Variants in WDR19 observed in about 807,000 individuals in gnomAD.
WDR19 encodes WD repeat-containing protein 19.
A neutral mutation model predicts 180.0 loss-of-function variants in WDR19; 121 were observed. The observed-to-expected ratio is 0.67, with a 90% CI of 0.58 to 0.78. The LOEUF (loss-of-function observed/expected upper bound fraction) is 0.78. Among genes scored for constraint, WDR19 ranks in the 30% least tolerant of loss-of-function variants. The probability of loss-of-function intolerance (pLI) is 0.00; values close to 1 mark genes in which losing one functional copy is unlikely to be tolerated. For missense variants in WDR19, 1,450 were observed against 1,640.7 expected, an observed-to-expected ratio of 0.88 and a Z score of 2.01; for synonymous variants, 497 against 540.7, an observed-to-expected ratio of 0.92 and a Z score of 1.12.
intron 14 of WDR19, among the ~76,000 whole-genome samples, chr4:39,221,158 G>A (rs964036987): frequency 4.6e-5 from 7 of 151,960 alleles, no homozygotes; most frequent in African/African-American, 1.7e-4. Flanking sequence ...TCATATATCA[G>A]GTAATTTGGT....
intron 24 of WDR19, among the ~76,000 whole-genome samples, chr4:39,247,517 C>T (rs534694138): frequency 4.1e-4 from 63 of 152,208 alleles, no homozygotes; most frequent in African/African-American, 1.4e-3. Flanking sequence ...ATGACTTTGA[C>T]GAGTTGAGAG....
Position 39,217,195 on chromosome 4 carries a change from T to G in WDR19, c.1311T>G (p.Ser437=). ...CAGTAGCCAGTATTTGCCTTCATTC[T>G]GACTATGCTGCTGCACTTTTTGAAG... The part of the protein sequence containing the change: ...LGTVASICLH[S]DYAAALFEGK... The change falls in exon 13 of 37, where the codon TCT becomes TCG. Residue 437 remains serine, a synonymous_variant. Transcript: ENST00000399820. The G allele has an allele frequency of 6.2e-7, 1 of 1,608,448 alleles. No homozygotes were observed. Among genetic ancestry groups the G allele is most frequent in the Non-Finnish European group, 8.5e-7 (1 of 1,177,456 alleles).
rs1416209318 is a variant in WDR19 at position 39,202,294 on chromosome 4, GT to G, written c.523-1341del. Among the ~76,000 whole-genome samples, 6 of 151,910 alleles carry G rather than the reference GT, an allele frequency of 3.9e-5. 1 individual carries two copies. In the South Asian group the frequency reaches 6.2e-4, roughly 16 times the overall value. ...GTCTAATCATCTGTGTATACATTGA[GT>G]TTTTTTATTTTAATGACGCCTCGTT... is the stretch of plus-strand genomic sequence containing the variant. On this transcript the variant is annotated intron_variant, in intron 6 of 36. Transcript: ENST00000399820.
intron 9 of WDR19, among the ~76,000 whole-genome samples, chr4:39,207,509 A>C (rs900569583): frequency 5.3e-5 from 8 of 152,192 alleles, no homozygotes; most frequent in African/African-American, 1.9e-4. Flanking sequence ...ACAAAGAAAA[A>C]ATCTTGAAAG....
chr4:39,220,474 T>A (rs1046843843), intron 14 of WDR19, among the ~76,000 whole-genome samples: 2 of 151,324 alleles, frequency 1.3e-5, no homozygotes, highest in South Asian at 4.2e-4. Flanking sequence ...TGCCACCATG[T>A]CGTGCTAATT....
chr4:39,193,090 G>C (rs1216665861), intron 4 of WDR19, among the ~76,000 whole-genome samples: 3 of 152,004 alleles, frequency 2.0e-5, no homozygotes, highest in Non-Finnish European at 4.4e-5. Flanking sequence ...TTGTAAAATA[G>C]ATACTTAATA....
chr4:39,196,063 T>C (rs1228169262), intron 5 of WDR19, among the ~76,000 whole-genome samples: 1 of 152,190 alleles, frequency 6.6e-6, no homozygotes, highest in African/African-American at 2.4e-5. Context: ...TTCTTGGGTA[T>C]AGAAAGATGT....
chr4:39,222,513 C>G (rs1729805773), intron 14 of WDR19, among the ~76,000 whole-genome samples: 1 of 151,884 alleles, frequency 6.6e-6, no homozygotes, highest in Non-Finnish European at 1.5e-5. Flanking sequence ...AAATTTTTTC[C>G]TATGTTTTCT....
At chr4:39,246,524 C>T (rs1243103151) in intron 24 of WDR19, among the ~76,000 whole-genome samples, 2 of 152,176 alleles carry the variant, frequency 1.3e-5, no homozygotes, top group Admixed American at 6.5e-5. Flanking sequence ...GTGGGTGCAG[C>T]GCACCGTGTG....
intron 24 of WDR19, among the ~76,000 whole-genome samples, chr4:39,249,161 A>G (rs1385819871): frequency 1.3e-5 from 2 of 151,470 alleles, no homozygotes; most frequent in Non-Finnish European, 3.0e-5. Context: ...ACCACAGTGC[A>G]ATCAAACTAG....
At position 39,194,567 on chromosome 4, in the gene WDR19, G is replaced by C. The variant is rs925766312; in HGVS notation, c.314G>C (p.Trp105Ser). 6.2e-7 allele frequency: 1 copy of C among 1,611,748 alleles called. No individual in the cohort carries two copies. Among genetic ancestry groups the C allele is most frequent in the Non-Finnish European group, 8.5e-7 (1 of 1,178,758 alleles). ...GMRDQMSFLL[W>S]SKVGSFLAVG... The stretch of plus-strand genomic sequence containing the variant: ...AGGGATCAAATGTCTTTCCTTCTTT[G>C]GTCAAAAGTTGGAAGTTTCCTGGCT... The change falls in exon 5 of 37, where the codon TGG becomes TCG. Residue 105 changes from tryptophan to serine, a missense_variant. Coordinates refer to ENST00000399820, the MANE Select transcript of WDR19 (RefSeq NM_025132.4).
intron 14 of WDR19, among the ~76,000 whole-genome samples, chr4:39,220,560 ATTTTTT>A (rs142037096): frequency 9.2e-4 from 59 of 64,380 alleles, no homozygotes; most frequent in Middle Eastern, 0.024. Flanking sequence ...GACCTCCTTG[ATTTTTT>A]TTTTTTTTTT....
intron 24 of WDR19, among the ~76,000 whole-genome samples, chr4:39,246,919 C>A (rs1020736604): frequency 2.6e-5 from 4 of 152,262 alleles, no homozygotes; most frequent in Non-Finnish European, 4.4e-5. Context: ...TAGGCTCCAC[C>A]TCTGAGGGCA....
At chr4:39,200,253 A>T (rs1727233204) in intron 6 of WDR19, among the ~76,000 whole-genome samples, 1 of 152,374 alleles carries the variant, frequency 6.6e-6, no homozygotes, top group East Asian at 1.9e-4. Context: ...AATATGAAAT[A>T]TGGCTCTGTA....
Position 39,272,971 on chromosome 4 carries a change from T to G in WDR19, c.3484-9T>G. On this transcript the variant is annotated splice_polypyrimidine_tract_variant and intron_variant, in intron 31 of 36. Coordinates refer to ENST00000399820, the MANE Select transcript of WDR19 (RefSeq NM_025132.4). ...CTATAAGAAGAGTAAAATATGTCAT[T>G]TGTTTCAGATTCATGTTAAAAATGG... The G allele has an allele frequency of 6.3e-7, 1 of 1,585,352 alleles. No homozygotes were observed.
chr4:39,265,940 A>T (rs1734745731), intron 28 of WDR19, 123 bp from the exon 29 acceptor site: 1 of 739,564 alleles, frequency 1.4e-6, no homozygotes, highest in Admixed American at 2.4e-5. Context: ...TATTTCAGGC[A>T]CTTTACTATA....
chr4:39,244,574 TTTCTG>T (rs1732313889), intron 23 of WDR19, 22 bp downstream of exon 23: 1 of 1,613,676 alleles, frequency 6.2e-7, no homozygotes, highest in African/African-American at 1.3e-5. Context: ...CTGCGGTTTG[TTTCTG>T]AACAGGATTG....
At position 39,194,560 on chromosome 4, in the gene WDR19, C is replaced by T. The variant is rs1726515647; in HGVS notation, c.307C>T (p.Leu103Phe). ...ATGTTACAGGGATCAAATGTCTTTC[C>T]TTCTTTGGTCAAAAGTTGGAAGTTT... ...DNGMRDQMSF[L>F]LWSKVGSFLA... is the part of the protein sequence containing the mutation. Residue 103 changes from leucine (L) to phenylalanine (F), a missense_variant, in exon 5 of 37, where the codon CTT becomes TTT. Transcript: ENST00000399820. 1 of 1,611,206 alleles carries T rather than the reference C, an allele frequency of 6.2e-7. No individual in the cohort carries two copies. The highest frequency in any genetic ancestry group is 1.7e-5 in the Admixed American group (1 of 59,758).
At position 39,199,502 on chromosome 4, in the gene WDR19, G is replaced by T. The variant is rs1343959332; in HGVS notation, c.431G>T (p.Cys144Phe). Residue 144 changes from cysteine (C) to phenylalanine (F), a missense_variant, in exon 6 of 37, where the codon TGT becomes TTT. Physicochemically the swap from Cys to Phe is radical, Grantham distance 205. Transcript: ENST00000399820. ...GGAAAACATACTAAGAGAATCACTT[G>T]TGGATGTTGGAATGCAGAAAATCTG... The part of the protein sequence containing the change: ...VLGKHTKRIT[C>F]GCWNAENLLA... 1 of 1,613,146 alleles carries T rather than the reference G, an allele frequency of 6.2e-7. No homozygotes were observed. Among genetic ancestry groups the T allele is most frequent in the East Asian group, 2.2e-5 (1 of 44,760 alleles).
Sources: gnomAD v4.1 joint callset for allele counts (sites outside exome capture counted in the v4.1 genomes callset) on GRCh38, gnomAD v4.1.1 for gene constraint, MANE v1.5 for transcripts, NCBI Gene and HGNC (gene_info 2026-07-23, HGNC 2026-07-21) for gene names.